The following SH3KBP1 variants were observed in gnomAD, a reference collection of about 807,000 sequenced individuals.
The protein encoded by SH3KBP1 is SH3 domain containing kinase binding protein 1, also known as SH3 domain-containing kinase-binding protein 1.
In SH3KBP1, 8 loss-of-function variants were observed where a neutral mutation model predicts 50.1. The ratio of observed to expected loss-of-function variants is 0.16; its 90% CI spans 0.09 to 0.29. The LOEUF (loss-of-function observed/expected upper bound fraction) is 0.29, where lower values mean the gene tolerates loss of function less well. SH3KBP1 is among the 10% of genes least tolerant of loss of function. The pLI is 1.00. For synonymous variants in SH3KBP1, 227 were observed against 218.6 expected (o/e 1.04, Z -0.34); for missense variants, 377 against 535.2 (o/e 0.70, Z 2.92).
At chrX:19,799,891 G>A (rs912499513) in intron 2 of SH3KBP1, 11 of 873,954 alleles carry the variant, frequency 1.3e-5, no homozygotes, top group Admixed American at 4.9e-5. Context: ...TATTTCTGTC[G>A]CAAATCAAGT....
intron 2 of SH3KBP1, among the ~76,000 whole-genome samples, chrX:19,753,392 C>G (rs2065123493): frequency 8.9e-6 from 1 of 111,847 alleles, no homozygotes; most frequent in Non-Finnish European, 1.9e-5. Context: ...TCACTAAAAA[C>G]AAACACTTTT....
intron 4 of SH3KBP1, among the ~76,000 whole-genome samples, chrX:19,697,791 A>G (rs1319301523): frequency 8.9e-6 from 1 of 111,914 alleles, no homozygotes; most frequent in Non-Finnish European, 1.9e-5. Flanking sequence ...GGTGTGTATG[A>G]GAAAGGGGGT....
chrX:19,636,362 TAC>T (rs1380328187), intron 7 of SH3KBP1, among the ~76,000 whole-genome samples: 1 of 107,334 alleles, frequency 9.3e-6, no homozygotes, highest in Admixed American at 9.9e-5. Flanking sequence ...CAACAAACCA[TAC>T]ACACACACAC....
chrX:19,873,941 C>T (rs1282217169), intron 1 of SH3KBP1, among the ~76,000 whole-genome samples: 6 of 100,418 alleles, frequency 6.0e-5, no homozygotes, highest in Non-Finnish European at 4.0e-5. Context: ...CCCAGCTACT[C>T]GGGAGGCTGA....
At chrX:19,752,647 A>T (rs1603195843) in intron 2 of SH3KBP1, among the ~76,000 whole-genome samples, 1 of 112,329 alleles carries the variant, frequency 8.9e-6, no homozygotes, top group East Asian at 2.8e-4. Flanking sequence ...GTGGTTACAC[A>T]GGTGTACATA....
intron 12 of SH3KBP1, among the ~76,000 whole-genome samples, chrX:19,570,386 T>G (rs1352100803): frequency 9.0e-6 from 1 of 111,541 alleles, no homozygotes; most frequent in Non-Finnish European, 1.9e-5. Flanking sequence ...GAGCAATGAC[T>G]CCAGTGTAGG....
intron 1 of SH3KBP1, among the ~76,000 whole-genome samples, chrX:19,862,756 T>C (rs1463305426): frequency 3.6e-5 from 4 of 112,183 alleles, no homozygotes; most frequent in Middle Eastern, 4.6e-3. Flanking sequence ...CTGTATTACT[T>C]GGCTTTGATC....
intron 2 of SH3KBP1, among the ~76,000 whole-genome samples, chrX:19,826,379 C>A (rs777757835): frequency 1.9e-4 from 21 of 111,230 alleles, no homozygotes; most frequent in Non-Finnish European, 3.6e-4. Flanking sequence ...TGAGGCTCTG[C>A]ACATTATAAT....
Position 19,836,230 on chromosome X carries a change from C to G in SH3KBP1, c.57G>C (p.Thr19=), listed in dbSNP as rs774938794. 21 of 1,208,258 alleles carry G rather than the reference C, an allele frequency of 1.7e-5. No individual in the cohort carries two copies. The highest frequency in any genetic ancestry group is 2.1e-5 in the Non-Finnish European group (19 of 893,969). ...TGGTGATGATTTCACCCACGCTGAT[C>G]GTCAGCTCATCATCGTGCTGGGCCT... ...DYQAQHDDEL[T]ISVGEIITNI... Residue 19 remains threonine (T), a synonymous_variant, in exon 2 of 18, where the codon ACG becomes ACC. Coordinates refer to ENST00000397821, the MANE Select transcript of SH3KBP1 (RefSeq NM_031892.3).
chrX:19,570,925 C>G (rs1439791871), intron 12 of SH3KBP1, among the ~76,000 whole-genome samples: 1 of 111,802 alleles, frequency 8.9e-6, no homozygotes. Flanking sequence ...CCACTGCACT[C>G]CAGCCTGTGT....
chrX:19,725,917 G>A (rs1423700067), intron 3 of SH3KBP1, among the ~76,000 whole-genome samples: 1 of 112,014 alleles, frequency 8.9e-6, no homozygotes, highest in Non-Finnish European at 1.9e-5. Context: ...TACGCCAGAT[G>A]GAACCACGTT....
At chrX:19,820,499 C>T (rs994235605) in intron 2 of SH3KBP1, among the ~76,000 whole-genome samples, 4 of 111,281 alleles carry the variant, frequency 3.6e-5, no homozygotes, top group Non-Finnish European at 5.7e-5. Context: ...CTGGTCTACC[C>T]TATCTGATAT....
intron 2 of SH3KBP1, among the ~76,000 whole-genome samples, chrX:19,774,480 G>A (rs2065898252): frequency 9.2e-6 from 1 of 109,220 alleles, no homozygotes; most frequent in Non-Finnish European, 1.9e-5. Context: ...GACCATCCTG[G>A]CTAACACGGT....
intron 2 of SH3KBP1, among the ~76,000 whole-genome samples, chrX:19,792,777 C>G (rs758207555): frequency 8.2e-5 from 1 of 12,124 alleles, no homozygotes; most frequent in East Asian, 1.1e-3. Context: ...AGGGATCTGG[C>G]GGGGGCGGGG....
At chrX:19,743,795 A>C (rs1279543775) in intron 3 of SH3KBP1, among the ~76,000 whole-genome samples, 1 of 112,774 alleles carries the variant, frequency 8.9e-6, no homozygotes, top group Non-Finnish European at 1.9e-5. Flanking sequence ...GACCCAATGA[A>C]GTGGTTCAGT....
At chrX:19,599,998 G>A (rs746994809) in intron 9 of SH3KBP1, among the ~76,000 whole-genome samples, 16 of 107,986 alleles carry the variant, frequency 1.5e-4, no homozygotes, top group Admixed American at 5.9e-4. Context: ...AGCCGGGCGC[G>A]GTGGCAGACA....
intron 17 of SH3KBP1, 74 bp downstream of exon 17, chrX:19,537,643 G>A (rs1359485294): frequency 1.2e-6 from 1 of 847,921 alleles, no homozygotes; most frequent in African/African-American, 2.0e-5. Flanking sequence ...ATTTATTTTT[G>A]AAATAAAAGC....
chrX:19,874,305 A>G (rs1242263471), intron 1 of SH3KBP1, among the ~76,000 whole-genome samples: 1 of 90,093 alleles, frequency 1.1e-5, no homozygotes, highest in East Asian at 3.8e-4. Context: ...GGGTTGAGGG[A>G]GAGTGGGCAC....
chrX:19,854,406 A>G (rs1411319755), intron 1 of SH3KBP1, among the ~76,000 whole-genome samples: 1 of 111,441 alleles, frequency 9.0e-6, no homozygotes, highest in East Asian at 2.8e-4. Context: ...GTGAGCCACC[A>G]CGCCCAGCCG....
Sources: gnomAD v4.1 joint callset for allele counts (sites outside exome capture counted in the v4.1 genomes callset) on GRCh38, gnomAD v4.1.1 for gene constraint, MANE v1.5 for transcripts, NCBI Gene and HGNC (gene_info 2026-07-23, HGNC 2026-07-21) for gene names.